The following PCDHGA8 variants were observed in gnomAD, a reference collection of about 807,000 sequenced individuals.
PCDHGA8 encodes the protein protocadherin gamma subfamily A, 8, also known as protocadherin gamma-A8.
PCDHGA8 carries 45 observed loss-of-function variants against 59.2 expected under a neutral mutation model. The ratio of observed to expected loss-of-function variants is 0.76; its 90% CI spans 0.60 to 0.98. The LOEUF is 0.98. Ranked by LOEUF, PCDHGA8 falls within the 50% of genes least tolerant of loss-of-function variation. The pLI, the probability that PCDHGA8 is intolerant of heterozygous loss-of-function variation, is 0.00. For synonymous variants in PCDHGA8, 531 were observed against 519.0 expected, an observed-to-expected ratio of 1.02 and a Z score of -0.32; for missense variants, 1,257 against 1,196.2, an observed-to-expected ratio of 1.05 and a Z score of -0.75.
intron 1 of PCDHGA8, chr5:141,419,095 G>A (rs1478382101): frequency 1.2e-6 from 2 of 1,613,816 alleles, no homozygotes; most frequent in African/African-American, 2.7e-5. Context: ...CCCTGGATCG[G>A]GAGCAGACCC....
chr5:141,398,367 G>A, intron 1 of PCDHGA8: 1 of 1,430,476 alleles, frequency 7.0e-7, no homozygotes, highest in Non-Finnish European at 9.7e-7. Context: ...TGAGCGCAGA[G>A]AGCGGGGAGT....
At position 141,491,724 on chromosome 5, in the gene PCDHGA8, G is replaced by A; in HGVS notation, c.2425-3083G>A. ...AGGTGAGGGGCTCGGCGCCGCCCCGGGCGACCCCTGGGGGCGGCACTGGAG... is the reference window on the plus strand; with the variant it reads ...AGGTGAGGGGCTCGGCGCCGCCCCGAGCGACCCCTGGGGGCGGCACTGGAG... On this transcript the variant is annotated intron_variant, in intron 1 of 3. Coordinates refer to ENST00000398604, the MANE Select transcript of PCDHGA8 (RefSeq NM_032088.2). This position sits in a 1 kb window ranked among gnomAD's most constrained non-coding sequence, Gnocchi z 6.9. 1 of 1,606,454 alleles carries A rather than the reference G, an allele frequency of 6.2e-7. No individual in the cohort carries two copies. The highest frequency in any genetic ancestry group is 1.1e-5 in the South Asian group (1 of 90,304).
intron 1 of PCDHGA8, among the ~76,000 whole-genome samples, chr5:141,442,633 C>A (rs1210890820): frequency 6.6e-6 from 1 of 152,158 alleles, no homozygotes; most frequent in Admixed American, 6.5e-5. Flanking sequence ...AGCAGCAAGA[C>A]CAAAGGCCTA....
chr5:141,403,169 C>T, intron 1 of PCDHGA8: 13 of 1,614,016 alleles, frequency 8.1e-6, no homozygotes, highest in Non-Finnish European at 1.1e-5. Flanking sequence ...AGGTAGGACG[C>T]AGCTTTTCTC....
intron 1 of PCDHGA8, among the ~76,000 whole-genome samples, chr5:141,450,639 A>T (rs1390959433): frequency 6.6e-6 from 1 of 151,390 alleles, no homozygotes; most frequent in Non-Finnish European, 1.5e-5. Flanking sequence ...GATGCCTGCC[A>T]CCATGCCTGG....
At chr5:141,425,253 A>G (rs1019069029) in intron 1 of PCDHGA8, among the ~76,000 whole-genome samples, 12 of 152,196 alleles carry the variant, frequency 7.9e-5, no homozygotes, top group Non-Finnish European at 1.5e-4. Context: ...GATATGAGGT[A>G]TTTGGCTGGG....
At position 141,486,114 on chromosome 5, in the gene PCDHGA8, A is replaced by G; in HGVS notation, c.2425-8693A>G. On this transcript the variant is annotated intron_variant, in intron 1 of 3. Coordinates refer to ENST00000398604, the MANE Select transcript of PCDHGA8 (RefSeq NM_032088.2). This position sits in a 1 kb window ranked among gnomAD's most constrained non-coding sequence, Gnocchi z 5.0. ...GGGCCCCTAGACTTTGAGAGTGAGAATTACTATGAATTTGATGTGCGGGCT... is the reference window on the plus strand; with the variant it reads ...GGGCCCCTAGACTTTGAGAGTGAGAGTTACTATGAATTTGATGTGCGGGCT... 3 of 1,614,082 alleles carry G rather than the reference A, an allele frequency of 1.9e-6. No individual in the cohort carries two copies. Among genetic ancestry groups the G allele is most frequent in the South Asian group, 2.2e-5 (2 of 91,072 alleles).
intron 1 of PCDHGA8, among the ~76,000 whole-genome samples, chr5:141,460,912 G>GTGTATATATA (rs145509489): frequency 6.7e-6 from 1 of 149,236 alleles, no homozygotes; most frequent in Non-Finnish European, 1.5e-5. Flanking sequence ...ATTCCATGGT[G>GTGTATATATA]TATATATATA....
intron 1 of PCDHGA8, chr5:141,405,534 C>T: frequency 3.1e-6 from 2 of 648,486 alleles, no homozygotes; most frequent in Non-Finnish European, 5.3e-6. Flanking sequence ...ATTCTCCTGC[C>T]TCAGCCTCCC....
chr5:141,403,663 T>C (rs2094439679), intron 1 of PCDHGA8: 3 of 1,613,900 alleles, frequency 1.9e-6, no homozygotes, highest in African/African-American at 1.3e-5. Flanking sequence ...ATACAAATGA[T>C]AATGCCCCGG....
Position 141,409,092 on chromosome 5 carries a change from A to C in PCDHGA8, c.2424+13855A>C, listed in dbSNP as rs150634031. On this transcript the variant is annotated intron_variant, in intron 1 of 3. Coordinates refer to ENST00000398604, the MANE Select transcript of PCDHGA8 (RefSeq NM_032088.2). ...AAACATATGTTCTCATTGGATGAGA[A>C]AACAGGTATGATTAAGAATAACCAG... 12 of 1,614,050 alleles carry C rather than the reference A, an allele frequency of 7.4e-6. No homozygotes were observed. The East Asian group carries it at 2.7e-4, about 36-fold the overall frequency.
intron 1 of PCDHGA8, chr5:141,478,541 G>T (rs905837179): frequency 1.2e-6 from 2 of 1,605,590 alleles, no homozygotes; most frequent in Non-Finnish European, 1.7e-6. Flanking sequence ...CGCCCCTCCC[G>T]GACAGGTAAG....
rs781346812 is a variant in PCDHGA8, at chr5:141,489,773, T to A, written c.2425-5034T>A. 6.2e-7 allele frequency: 1 copy of A among 1,614,102 alleles called. No individual in the cohort carries two copies. The highest frequency in any genetic ancestry group is 8.5e-7 in the Non-Finnish European group (1 of 1,179,984). ...TACACTCTAAGCCCCAACAGCCACT[T>A]CTCTCTGAATGTGAAGACCCTAAAA... is the stretch of plus-strand genomic sequence containing the variant. On this transcript the variant is annotated intron_variant, in intron 1 of 3. Transcript: ENST00000398604. The surrounding 1 kb of genome is among the most constrained non-coding windows in gnomAD (Gnocchi z 4.5).
At chr5:141,495,153 T>G (rs2154591630) in intron 2 of PCDHGA8, among the ~76,000 whole-genome samples, 1 of 152,290 alleles carries the variant, frequency 6.6e-6, no homozygotes, top group East Asian at 1.9e-4. Flanking sequence ...AGGATGGTCT[T>G]AAGCTGGTCT....
chr5:141,464,911 T>G (rs2099093002), intron 1 of PCDHGA8, among the ~76,000 whole-genome samples: 1 of 151,718 alleles, frequency 6.6e-6, no homozygotes, highest in Non-Finnish European at 1.5e-5. Context: ...GCTAATTTTT[T>G]TATTTTTTTG....
chr5:141,438,599 T>C (rs1320902737), intron 1 of PCDHGA8, among the ~76,000 whole-genome samples: 17 of 32,510 alleles, frequency 5.2e-4, no homozygotes, highest in African/African-American at 6.7e-4. Flanking sequence ...TACATATATA[T>C]ATATATATAT....
At chr5:141,402,469 A>G (rs2094270515) in intron 1 of PCDHGA8, among the ~76,000 whole-genome samples, 1 of 152,224 alleles carries the variant, frequency 6.6e-6, no homozygotes. Context: ...ATCTAGAAAT[A>G]GAGTGCAAAG....
rs754034325 is a variant in PCDHGA8 at position 141,413,380 on chromosome 5, C to T, written c.2424+18143C>T. On this transcript the variant is annotated intron_variant, in intron 1 of 3. Coordinates refer to ENST00000398604, the MANE Select transcript of PCDHGA8 (RefSeq NM_032088.2). ...CCGGGAGCTGGCGGAGCGCGGAGTC[C>T]GCATAGTCTCCAGAGGTAGGACGCA... is the stretch of plus-strand genomic sequence containing the variant. 4 of 1,613,962 alleles carry T rather than the reference C, an allele frequency of 2.5e-6. No individual in the cohort carries two copies. In the Middle Eastern group the frequency reaches 5.0e-4, roughly 200 times the overall value.
At chr5:141,472,359 G>T (rs2099278248) in intron 1 of PCDHGA8, among the ~76,000 whole-genome samples, 1 of 151,944 alleles carries the variant, frequency 6.6e-6, no homozygotes, top group Admixed American at 6.6e-5. Flanking sequence ...GGCTAACACG[G>T]TGAAACCCCG....
Sources: allele counts gnomAD v4.1 joint callset (sites outside exome capture counted in the v4.1 genomes callset), GRCh38; gene constraint gnomAD v4.1.1; non-coding constraint Gnocchi (gnomAD v3.1); transcripts MANE v1.5; gene names NCBI Gene and HGNC (gene_info 2026-07-23, HGNC 2026-07-21).